The following LPIN1 variants were observed in gnomAD, a reference collection of about 807,000 sequenced individuals.
LPIN1 encodes phosphatidate phosphatase LPIN1.
A neutral mutation model predicts 107.5 loss-of-function variants in LPIN1; 71 were observed. That is an observed-to-expected ratio of 0.66 (90% CI 0.55 to 0.80). The LOEUF (loss-of-function observed/expected upper bound fraction) is 0.80. Among genes scored for constraint, LPIN1 ranks in the 30% least tolerant of loss-of-function variants. The probability of loss-of-function intolerance (pLI) is 0.00; values close to 1 mark genes in which losing one functional copy is unlikely to be tolerated. For synonymous variants in LPIN1, 445 were observed against 452.6 expected, an observed-to-expected ratio of 0.98 and a Z score of 0.21; for missense variants, 1,043 against 1,160.6, an observed-to-expected ratio of 0.90 and a Z score of 1.47.
chr2:11,689,895 ACT>A (rs766499927), intron 1 of LPIN1, among the ~76,000 whole-genome samples: 63 of 152,234 alleles, frequency 4.1e-4, no homozygotes, highest in Non-Finnish European at 8.4e-4. Flanking sequence ...ACAGGGTGAG[ACT>A]CTGTCTCAAA....
chr2:11,701,951 T>C (rs972034299), intron 1 of LPIN1, among the ~76,000 whole-genome samples: 1 of 152,254 alleles, frequency 6.6e-6, no homozygotes, highest in Admixed American at 6.5e-5. Flanking sequence ...ATGTCAACTT[T>C]CTGACGTCAT....
chr2:11,766,794 CAAA>C (rs1377621437), intron 2 of LPIN1, among the ~76,000 whole-genome samples: 3 of 151,858 alleles, frequency 2.0e-5, no homozygotes, highest in South Asian at 4.1e-4. Context: ...AACAAACAAA[CAAA>C]AACGCAGAGC....
intron 13 of LPIN1, among the ~76,000 whole-genome samples, chr2:11,793,403 A>T (rs1243113550): frequency 6.6e-6 from 1 of 152,190 alleles, no homozygotes; most frequent in Non-Finnish European, 1.5e-5. Context: ...TGTACTGCAG[A>T]TGCATTGGTC....
chr2:11,782,435 G>A lies in LPIN1; in HGVS notation c.1192G>A (p.Glu398Lys). 1.9e-6 allele frequency: 3 copies of A among 1,614,146 alleles called. No individual in the cohort carries two copies. Among genetic ancestry groups the A allele is most frequent in the South Asian group, 1.1e-5 (1 of 91,076 alleles). ...AGCAGCGCCACTCTTGCCCATGATCGAGGAGCTCAAACCCCCCTCTGCCAG... is the reference window on the plus strand; with the variant it reads ...AGCAGCGCCACTCTTGCCCATGATCAAGGAGCTCAAACCCCCCTCTGCCAG... ...GAAAPLLPMI[E>K]ELKPPSASVV... The change falls in exon 8 of 21, where the codon GAG (glutamate) becomes AAG (lysine). Residue 398 changes from glutamate to lysine, a missense_variant. Physicochemically the swap from Glu to Lys is moderately conservative, Grantham distance 56. Coordinates refer to ENST00000674199, the MANE Select transcript of LPIN1 (RefSeq NM_001349206.2).
intron 17 of LPIN1, among the ~76,000 whole-genome samples, chr2:11,811,135 G>A (rs914585910): frequency 6.6e-6 from 1 of 152,176 alleles, no homozygotes; most frequent in Non-Finnish European, 1.5e-5. Flanking sequence ...TGTGGGGCAG[G>A]GCTGTGCCAT....
intron 17 of LPIN1, among the ~76,000 whole-genome samples, chr2:11,812,792 T>C (rs886119325): frequency 2.6e-5 from 4 of 152,142 alleles, no homozygotes; most frequent in Non-Finnish European, 5.9e-5. Flanking sequence ...GGCTACGCTT[T>C]ACATTTTCTT....
At chr2:11,811,585 G>T (rs1196468299) in intron 17 of LPIN1, among the ~76,000 whole-genome samples, 1 of 152,234 alleles carries the variant, frequency 6.6e-6, no homozygotes, top group Non-Finnish European at 1.5e-5. Context: ...TTAGATCTCT[G>T]CAGGTGGCAG....
intron 2 of LPIN1, among the ~76,000 whole-genome samples, chr2:11,714,295 G>A (rs1200668066): frequency 6.6e-6 from 1 of 152,210 alleles, no homozygotes; most frequent in Non-Finnish European, 1.5e-5. Context: ...CCTTGCACCT[G>A]GTTCCCAGGC....
chr2:11,821,728 C>T (rs78810215), intron 20 of LPIN1, among the ~76,000 whole-genome samples: 1,929 of 152,262 alleles, frequency 0.013, 51 homozygotes, highest in African/African-American at 0.044. Context: ...TGGATTCTAA[C>T]TGAGTGTCAA....
chr2:11,677,654 G>A (rs1661497477), exon 1 of LPIN1: 2 of 1,535,426 alleles, frequency 1.3e-6, no homozygotes, highest in Admixed American at 2.0e-5. Context: ...GGCCATGGGG[G>A]AACAGGACGG....
intron 1 of LPIN1, among the ~76,000 whole-genome samples, chr2:11,761,581 A>G (rs1449005124): frequency 6.6e-6 from 1 of 152,098 alleles, no homozygotes; most frequent in African/African-American, 2.4e-5. Context: ...CATTCTTTGT[A>G]GGTATCATTC....
In LPIN1 at chr2:11,784,929, G is replaced by A. The variant is rs866027062; in HGVS notation, c.1402G>A (p.Ala468Thr). Reference protein sequence around the residue: ...GLAKHASDNGARSANQSPQSV... With the variant: ...GLAKHASDNGTRSANQSPQSV... ...CGCAAAACATGCAAGCGACAACGGAGCCCGGTCAGCCAACCAGTCCCCGCA... is the reference window on the plus strand; with the variant it reads ...CGCAAAACATGCAAGCGACAACGGAACCCGGTCAGCCAACCAGTCCCCGCA... Residue 468 changes from alanine (A) to threonine (T), a missense_variant, in exon 10 of 21, where the codon GCC becomes ACC. Transcript: ENST00000674199. 6.2e-7 allele frequency: 1 copy of A among 1,613,984 alleles called. No individual in the cohort carries two copies. The highest frequency in any genetic ancestry group is 1.6e-4 in the Middle Eastern group (1 of 6,062).
intron 1 of LPIN1, chr2:11,682,266 C>A (rs1275717043): frequency 6.6e-6 from 1 of 152,436 alleles, no homozygotes; most frequent in Non-Finnish European, 1.5e-5. Flanking sequence ...ACCTGGAAAC[C>A]CAACCACAGT....
At chr2:11,812,888 A>T (rs775079802) in intron 17 of LPIN1, among the ~76,000 whole-genome samples, 3 of 152,136 alleles carry the variant, frequency 2.0e-5, no homozygotes, top group Middle Eastern at 3.4e-3. Flanking sequence ...TGCGGTGTGG[A>T]CGTGGTGGGA....
intron 1 of LPIN1, chr2:11,677,864 C>A: frequency 2.8e-6 from 2 of 716,464 alleles, no homozygotes; most frequent in South Asian, 1.7e-5. Flanking sequence ...TTTGTGCATT[C>A]ACGCTTCCCC....
intron 1 of LPIN1, among the ~76,000 whole-genome samples, chr2:11,686,923 G>C (rs1051110399): frequency 8.7e-5 from 13 of 149,928 alleles, no homozygotes; most frequent in African/African-American, 3.2e-4. Context: ...CTGTGGTCTA[G>C]ATTTCAGGAA....
intron 15 of LPIN1, among the ~76,000 whole-genome samples, chr2:11,804,097 T>C (rs1447189877): frequency 6.6e-6 from 1 of 152,228 alleles, no homozygotes; most frequent in African/African-American, 2.4e-5. Context: ...TTACGCCGTG[T>C]AGCCCCGTCA....
At chr2:11,780,073 G>C (rs2358125) in intron 7 of LPIN1, among the ~76,000 whole-genome samples, 18,332 of 152,092 alleles carry the variant, frequency 0.12, 1,188 homozygotes, top group Middle Eastern at 0.16. Context: ...TAGAGACGGG[G>C]TTTCACCGTG....
rs1325839450 is a variant in LPIN1, at chr2:11,826,318, C to A, written c.*1527C>A. The A allele has an allele frequency of 6.6e-6, 1 of 152,498 alleles. No individual in the cohort carries two copies. Among genetic ancestry groups the A allele is most frequent in the Non-Finnish European group, 1.5e-5 (1 of 68,026 alleles). The allele number at this position is 152,498 out of a possible 1,614,324, so 9.4% of individuals were successfully genotyped here. On this transcript the variant is annotated 3_prime_UTR_variant, in exon 21 of 21. Transcript: ENST00000674199. ...CCCCGTTAGCATTGGATGCCTTTGCCAAATGGTTCATGTGGACACACAAAG... is the reference window on the plus strand; with the variant it reads ...CCCCGTTAGCATTGGATGCCTTTGCAAAATGGTTCATGTGGACACACAAAG...
Sources: allele counts gnomAD v4.1 joint callset (sites outside exome capture counted in the v4.1 genomes callset), GRCh38; gene constraint gnomAD v4.1.1; transcripts MANE v1.5; gene names NCBI Gene and HGNC (gene_info 2026-07-23, HGNC 2026-07-21).